LRRTM4: variants seen among roughly 807,000 people sequenced by gnomAD.
LRRTM4 encodes leucine-rich repeat transmembrane neuronal protein 4.
A neutral mutation model predicts 47.6 loss-of-function variants in LRRTM4; 25 were observed. The observed-to-expected ratio is 0.53, with a 90% CI of 0.38 to 0.73. The LOEUF is 0.73. LRRTM4 is among the 30% of genes least tolerant of loss of function. The probability of loss-of-function intolerance (pLI) is 0.00; values close to 1 mark genes in which losing one functional copy is unlikely to be tolerated. For synonymous variants in LRRTM4, 311 were observed against 269.5 expected, an observed-to-expected ratio of 1.15 and a Z score of -1.51; for missense variants, 638 against 713.4, an observed-to-expected ratio of 0.89 and a Z score of 1.20.
chr2:76,802,132 C>T (rs953100730), intron 3 of LRRTM4, among the ~76,000 whole-genome samples: 4 of 150,218 alleles, frequency 2.7e-5, no homozygotes, highest in Non-Finnish European at 4.4e-5. Context: ...AGCAATTAGG[C>T]AAGGGAAAAG....
chr2:77,286,313 T>A (rs1167346339), intron 3 of LRRTM4, among the ~76,000 whole-genome samples: 1 of 152,166 alleles, frequency 6.6e-6, no homozygotes, highest in South Asian at 2.1e-4. Context: ...ACATACAATA[T>A]AACATAGTCA....
intron 3 of LRRTM4, among the ~76,000 whole-genome samples, chr2:76,827,521 A>T (rs1671222049): frequency 1.3e-5 from 2 of 151,860 alleles, no homozygotes; most frequent in East Asian, 3.9e-4. Flanking sequence ...GCTGGAAACT[A>T]CACATAATGA....
chr2:77,445,640 T>C (rs971569907), intron 3 of LRRTM4, among the ~76,000 whole-genome samples: 9 of 152,184 alleles, frequency 5.9e-5, no homozygotes, highest in African/African-American at 2.2e-4. Context: ...AGGATATCAA[T>C]GTACATTTTC....
At position 76,976,192 on chromosome 2, in the gene LRRTM4, T is replaced by G. The variant is rs548148833; in HGVS notation, c.1552-227276A>C. On this transcript the variant is annotated intron_variant, in intron 3 of 3. Coordinates refer to ENST00000409884, the MANE Select transcript of LRRTM4 (RefSeq NM_001134745.3). ...GCAATGTTGTTACCAAACTTTTCCC[T>G]TTGCTTGCTTATCGTGTCATTAACC... 1.1e-3 allele frequency among the ~76,000 whole-genome samples: 171 copies of G among 151,968 alleles called. 1 individual carries two copies. Among genetic ancestry groups the G allele is most frequent in the Middle Eastern group, 0.01 (3 of 294 alleles).
intron 3 of LRRTM4, among the ~76,000 whole-genome samples, chr2:77,403,762 C>G (rs1262913249): frequency 1.3e-5 from 2 of 151,552 alleles, no homozygotes; most frequent in Admixed American, 6.6e-5. Flanking sequence ...TTTAATCTGA[C>G]CCTAGCCCCG....
rs1337956791 is a variant in LRRTM4 at position 76,748,323 on chromosome 2, C to T, written c.*372G>A. Reference sequence around the variant, plus strand: ...TCCCACCCACCCCTGTTTATTTGCTCCCCTGTGGTTCTCCAGCCCAGGAAC... The same window carrying T: ...TCCCACCCACCCCTGTTTATTTGCTTCCCTGTGGTTCTCCAGCCCAGGAAC... On this transcript the variant is annotated 3_prime_UTR_variant, in exon 4 of 4. Coordinates refer to ENST00000409884, the MANE Select transcript of LRRTM4 (RefSeq NM_001134745.3). 5.7e-6 allele frequency: 1 copy of T among 175,562 alleles called. No homozygotes were observed. The highest frequency in any genetic ancestry group is 1.2e-5 in the Non-Finnish European group (1 of 82,416). The allele number at this position is 175,562 out of a possible 1,614,324, so 10.9% of individuals were successfully genotyped here.
chr2:77,357,390 C>G (rs951602355), intron 3 of LRRTM4, among the ~76,000 whole-genome samples: 1 of 152,114 alleles, frequency 6.6e-6, no homozygotes, highest in Non-Finnish European at 1.5e-5. Flanking sequence ...ATAGAAAATA[C>G]AAGATCATGG....
intron 3 of LRRTM4, among the ~76,000 whole-genome samples, chr2:77,027,866 C>T (rs1362625620): frequency 1.3e-5 from 2 of 151,628 alleles, no homozygotes; most frequent in South Asian, 2.1e-4. Context: ...AGAATATGTT[C>T]AATACAGTCC....
intron 3 of LRRTM4, among the ~76,000 whole-genome samples, chr2:76,786,804 T>C (rs1674697860): frequency 6.6e-6 from 1 of 152,140 alleles, no homozygotes; most frequent in Non-Finnish European, 1.5e-5. Context: ...AAATAGTTCA[T>C]TTAAAGAATA....
intron 3 of LRRTM4, among the ~76,000 whole-genome samples, chr2:76,838,060 C>G (rs1276957017): frequency 6.6e-6 from 1 of 151,230 alleles, no homozygotes; most frequent in Non-Finnish European, 1.5e-5. Flanking sequence ...ACATTGTGCA[C>G]ATGTACCCTA....
At chr2:77,337,183 G>A (rs1457269274) in intron 3 of LRRTM4, among the ~76,000 whole-genome samples, 5 of 151,934 alleles carry the variant, frequency 3.3e-5, no homozygotes, top group Non-Finnish European at 7.4e-5. Flanking sequence ...AGTTATCTTC[G>A]AAGACAATTA....
chr2:76,908,584 C>T (rs1250552541), intron 3 of LRRTM4, among the ~76,000 whole-genome samples: 2 of 152,030 alleles, frequency 1.3e-5, no homozygotes, highest in African/African-American at 2.4e-5. Flanking sequence ...GATTGTATAT[C>T]TAGAAAACCC....
At chr2:77,424,489 T>C (rs1470900129) in intron 3 of LRRTM4, among the ~76,000 whole-genome samples, 2 of 152,210 alleles carry the variant, frequency 1.3e-5, no homozygotes, top group Admixed American at 6.5e-5. Flanking sequence ...GTGTTAATAA[T>C]AGACATGAAG....
intron 3 of LRRTM4, among the ~76,000 whole-genome samples, chr2:77,057,434 G>A (rs1679645791): frequency 1.3e-5 from 2 of 152,138 alleles, no homozygotes; most frequent in Admixed American, 6.5e-5. Flanking sequence ...ATTATCATTG[G>A]CCACAAGAAG....
At chr2:76,945,297 C>T (rs1389098275) in intron 3 of LRRTM4, among the ~76,000 whole-genome samples, 1 of 152,006 alleles carries the variant, frequency 6.6e-6, no homozygotes, top group Non-Finnish European at 1.5e-5. Context: ...TCCTAAGGAG[C>T]ATAGGATTTG....
chr2:76,828,639 TTG>T (rs1671251115), intron 3 of LRRTM4, among the ~76,000 whole-genome samples: 1 of 152,082 alleles, frequency 6.6e-6, no homozygotes, highest in Middle Eastern at 3.4e-3. Context: ...AAATTTTTCT[TTG>T]TGTTTTTAGA....
chr2:76,928,817 A>T (rs1341687522), intron 3 of LRRTM4, among the ~76,000 whole-genome samples: 2 of 152,166 alleles, frequency 1.3e-5, no homozygotes, highest in East Asian at 1.9e-4. Flanking sequence ...CTGTGAAAAA[A>T]AATTAAGCAA....
At position 76,883,979 on chromosome 2, in the gene LRRTM4, G is replaced by A. The variant is rs535678724; in HGVS notation, c.1552-135063C>T. ...ACTACAGGTGCACACCACCACACCCGGCTAATTTTTTTTTTTTTTTGGTAG... is the reference window on the plus strand; with the variant it reads ...ACTACAGGTGCACACCACCACACCCAGCTAATTTTTTTTTTTTTTTGGTAG... On this transcript the variant is annotated intron_variant, in intron 3 of 3. Coordinates refer to ENST00000409884, the MANE Select transcript of LRRTM4 (RefSeq NM_001134745.3). Among the ~76,000 whole-genome samples, 8 of 146,710 alleles carry A rather than the reference G, an allele frequency of 5.5e-5. No individual in the cohort carries two copies. The East Asian group carries it at 1.6e-3, about 29-fold the overall frequency.
Position 77,045,084 on chromosome 2 carries a change from T to C in LRRTM4, c.1552-296168A>G, listed in dbSNP as rs761349270. On this transcript the variant is annotated intron_variant, in intron 3 of 3. Coordinates refer to ENST00000409884, the MANE Select transcript of LRRTM4 (RefSeq NM_001134745.3). ...ATTCTCTTTACATAAAGAGGTAATA[T>C]GGTATTTTTAGCAGAATATACAAAT... 7.2e-5 allele frequency among the ~76,000 whole-genome samples: 11 copies of C among 151,994 alleles called. No homozygotes were observed. The East Asian group carries it at 1.9e-3, about 27-fold the overall frequency.
Sources: gnomAD v4.1 joint callset for allele counts (sites outside exome capture counted in the v4.1 genomes callset) on GRCh38, gnomAD v4.1.1 for gene constraint, MANE v1.5 for transcripts, NCBI Gene and HGNC (gene_info 2026-07-23, HGNC 2026-07-21) for gene names.